ERBIN: variants seen among roughly 807,000 people sequenced by gnomAD.
ERBIN encodes erbb2 interacting protein.
ERBIN carries 60 observed loss-of-function variants against 158.4 expected under a neutral mutation model. The ratio of observed to expected loss-of-function variants is 0.38; its 90% CI spans 0.31 to 0.47. The LOEUF (loss-of-function observed/expected upper bound fraction) is 0.47. ERBIN is among the 20% of genes least tolerant of loss of function. The probability of loss-of-function intolerance (pLI) is 0.99; values close to 1 mark genes in which losing one functional copy is unlikely to be tolerated. For missense variants in ERBIN, 1,610 were observed against 1,648.0 expected, an observed-to-expected ratio of 0.98 and a Z score of 0.40; for synonymous variants, 594 against 557.2, an observed-to-expected ratio of 1.07 and a Z score of -0.93.
chr5:66,064,311 GATA>G (rs1215016734), intron 21 of ERBIN, among the ~76,000 whole-genome samples: 1 of 152,142 alleles, frequency 6.6e-6, no homozygotes, highest in Non-Finnish European at 1.5e-5. Flanking sequence ...GAGAACATTT[GATA>G]ATAAAGTATG....
At chr5:65,942,471 G>A (rs57233801) in intron 1 of ERBIN, among the ~76,000 whole-genome samples, 3,180 of 152,274 alleles carry the variant, frequency 0.021, 119 homozygotes, top group African/African-American at 0.071. Context: ...TCTCTTTGGC[G>A]GACGCCAGTT....
chr5:65,994,641 G>A (rs1334351874), intron 3 of ERBIN, 106 bp from the exon 4 acceptor site: 1 of 613,302 alleles, frequency 1.6e-6, no homozygotes, highest in Non-Finnish European at 2.8e-6. Flanking sequence ...TGGTATTAGT[G>A]TAGGTTATAA....
chr5:65,972,296 T>C (rs1169110741), intron 1 of ERBIN, among the ~76,000 whole-genome samples: 3 of 152,140 alleles, frequency 2.0e-5, no homozygotes, highest in African/African-American at 7.3e-5. Context: ...TACTATGATG[T>C]GGAGCTTTGA....
chr5:65,977,144 G>A (rs866696761), intron 1 of ERBIN, among the ~76,000 whole-genome samples: 2,078 of 148,778 alleles, frequency 0.014, 45 homozygotes, highest in African/African-American at 0.048. Flanking sequence ...CCGGGCGGGG[G>A]GCTGACTCCC....
At position 66,053,429 on chromosome 5, in the gene ERBIN, G is replaced by A. The variant is rs778848692; in HGVS notation, c.2111G>A (p.Ser704Asn). The A allele has an allele frequency of 6.7e-6, 10 of 1,484,070 alleles. No homozygotes were observed. The highest frequency in any genetic ancestry group is 8.9e-6 in the Non-Finnish European group (10 of 1,118,100). The allele number at this position is 1,484,070 out of a possible 1,614,324, so 91.9% of individuals were successfully genotyped here. Residue 704 changes from serine (S) to asparagine (N), a missense_variant, in exon 21 of 26, where the codon AGC becomes AAC. By Grantham distance (46) the Ser-to-Asn change is conservative. This residue lies in a region of ERBIN where 1,014 missense variants were observed against 936.1 expected (regional missense o/e 1.08). Transcript: ENST00000284037. ...AGGCAAGAAGATGAAAATTTTAACA[G>A]CCTTTTACAAAATGGAGATATTTTA... is the stretch of plus-strand genomic sequence containing the variant. ...KIRQEDENFN[S>N]LLQNGDILNS...
At chr5:65,931,901 C>T (rs1159593793) in intron 1 of ERBIN, among the ~76,000 whole-genome samples, 1 of 151,212 alleles carries the variant, frequency 6.6e-6, no homozygotes, top group Non-Finnish European at 1.5e-5. Context: ...TCACCGCAGC[C>T]TCTGCCTCCC....
chr5:66,077,801 C>CAT (rs1762144176), intron 25 of ERBIN, among the ~76,000 whole-genome samples: 1 of 139,698 alleles, frequency 7.2e-6, no homozygotes, highest in Admixed American at 7.0e-5. Context: ...CACATACACA[C>CAT]ACACACACAG....
intron 21 of ERBIN, among the ~76,000 whole-genome samples, chr5:66,070,760 G>A (rs1761453979): frequency 6.6e-6 from 1 of 152,120 alleles, no homozygotes; most frequent in African/African-American, 2.4e-5. Flanking sequence ...CTAAGCCATG[G>A]TTTGAACTAA....
intron 4 of ERBIN, among the ~76,000 whole-genome samples, chr5:65,996,256 T>TG (rs1311498498): frequency 1.1e-4 from 15 of 139,596 alleles, no homozygotes; most frequent in African/African-American, 4.9e-4. Context: ...TTTTTTTTTT[T>TG]TTTTTTTTTA....
intron 22 of ERBIN, 54 bp downstream of exon 22, chr5:66,072,345 G>T: frequency 6.5e-7 from 1 of 1,535,522 alleles, no homozygotes; most frequent in Non-Finnish European, 8.8e-7. Context: ...ATATTTTGCA[G>T]CTTTTGGACT....
intron 1 of ERBIN, among the ~76,000 whole-genome samples, chr5:65,960,191 A>C (rs1048814451): frequency 1.3e-5 from 2 of 152,276 alleles, no homozygotes; most frequent in African/African-American, 4.8e-5. Flanking sequence ...GATGAAATGT[A>C]TATGAATGAA....
At chr5:65,954,750 T>A (rs1457297395) in intron 1 of ERBIN, among the ~76,000 whole-genome samples, 2 of 150,302 alleles carry the variant, frequency 1.3e-5, no homozygotes, top group Non-Finnish European at 2.9e-5. Flanking sequence ...AAGAATGAGG[T>A]TTTTCAGAAC....
chr5:66,018,593 A>ATATATAATATATAATATATAT lies in ERBIN; in HGVS notation c.534-2723_534-2722insATATATAATATATATTATATA, dbSNP rs1554058912. ...TATATTATATAATATATATTATATA[A>ATATATAATATATAATATATAT]TATATATTATATATACATACACACA... On this transcript the variant is annotated intron_variant, in intron 7 of 25. Transcript: ENST00000284037. 6.9e-4 allele frequency among the ~76,000 whole-genome samples: 6 copies of ATATATAATATATAATATATAT among 8,658 alleles called. 1 individual carries two copies. Among genetic ancestry groups the ATATATAATATATAATATATAT allele is most frequent in the East Asian group, 1.5e-3 (1 of 686 alleles). The allele number at this position is 8,658 out of a possible 152,430, so 5.7% of individuals were successfully genotyped here.
In ERBIN at chr5:66,024,369, G is replaced by A. The variant is rs1393633731; in HGVS notation, c.736G>A (p.Glu246Lys). Reference sequence around the variant, plus strand: ...TTCTAAAAATAATATTGAAATGGTTGAAGAAGGAATTTCAACATGTGAAAA... The same window carrying A: ...TTCTAAAAATAATATTGAAATGGTTAAAGAAGGAATTTCAACATGTGAAAA... ...DVSKNNIEMV[E>K]EGISTCENLQ... Residue 246 changes from glutamate (E) to lysine (K), a missense_variant, in exon 10 of 26, where the codon GAA becomes AAA. Coordinates refer to ENST00000284037, the MANE Select transcript of ERBIN (RefSeq NM_001253697.2). 1 of 1,599,652 alleles carries A rather than the reference G, an allele frequency of 6.3e-7. No individual in the cohort carries two copies. The highest frequency in any genetic ancestry group is 1.7e-5 in the Admixed American group (1 of 58,222).
intron 1 of ERBIN, among the ~76,000 whole-genome samples, chr5:65,987,836 C>T (rs145048187): frequency 7.3e-4 from 102 of 139,640 alleles, no homozygotes; most frequent in African/African-American, 2.4e-3. Context: ...CAGAGTGATA[C>T]GTCTCCAAAA....
intron 21 of ERBIN, among the ~76,000 whole-genome samples, 163 bp from the exon 22 acceptor site, chr5:66,072,006 G>A (rs116768058): frequency 0.018 from 2,671 of 152,222 alleles, 83 homozygotes; most frequent in African/African-American, 0.062. Context: ...TGGAAGAAGT[G>A]AAAGATACTA....
At chr5:66,009,329 A>C (rs1404612261) in intron 4 of ERBIN, among the ~76,000 whole-genome samples, 1 of 152,262 alleles carries the variant, frequency 6.6e-6, no homozygotes, top group African/African-American at 2.4e-5. Flanking sequence ...TCCTAAGGAA[A>C]AATTCAATAA....
rs1754246667 is a variant in ERBIN at position 66,011,899 on chromosome 5, A to G, written c.308-150A>G. On this transcript the variant is annotated intron_variant, in intron 4 of 25. Transcript: ENST00000284037. ...AGATAAAGAAATTGTTGTGCAGGTC[A>G]TTGTTTAGTTCACATTGATGTTGTC... 1.0e-5 allele frequency: 5 copies of G among 481,466 alleles called. No individual in the cohort carries two copies. The Admixed American group carries it at 1.8e-4, about 17-fold the overall frequency. The allele number at this position is 481,466 out of a possible 1,614,324, so 29.8% of individuals were successfully genotyped here. A position where few individuals can be genotyped will look rare whatever the true frequency, so the allele number is the denominator to read the frequency against.
At chr5:66,025,624 G>T in intron 11 of ERBIN, 72 bp downstream of exon 11, 1 of 1,201,892 alleles carries the variant, frequency 8.3e-7, no homozygotes, top group Non-Finnish European at 1.2e-6. Flanking sequence ...ATATTTTCAG[G>T]TATTTGCATA....
Sources: allele counts gnomAD v4.1 joint callset (sites outside exome capture counted in the v4.1 genomes callset), GRCh38; gene constraint gnomAD v4.1.1; regional missense constraint gnomAD v4.1.1; transcripts MANE v1.5; gene names NCBI Gene and HGNC (gene_info 2026-07-23, HGNC 2026-07-21).